The following YPEL1 variants were observed in gnomAD, a reference collection of about 807,000 sequenced individuals.
YPEL1 encodes the protein yippee like 1, also known as protein yippee-like 1.
YPEL1 carries 7 observed loss-of-function variants against 17.3 expected under a neutral mutation model. The observed-to-expected ratio is 0.40, with a 90% confidence interval of 0.23 to 0.76. The LOEUF is 0.76. Ranked by LOEUF, YPEL1 falls within the 30% of genes least tolerant of loss-of-function variation. YPEL1 has a pLI of 0.35. For synonymous variants in YPEL1, 59 were observed against 59.6 expected (o/e 0.99, Z 0.05); for missense variants, 91 against 155.5 (o/e 0.59, Z 2.21).
At chr22:21,714,561 T>G (rs1207745569) in intron 1 of YPEL1, among the ~76,000 whole-genome samples, 6 of 152,142 alleles carry the variant, frequency 3.9e-5, no homozygotes, top group Non-Finnish European at 8.8e-5. Flanking sequence ...GGGGTGTGGA[T>G]GTGTATCGGC....
At chr22:21,715,348 G>T (rs5754784) in intron 1 of YPEL1, among the ~76,000 whole-genome samples, 3 of 151,826 alleles carry the variant, frequency 2.0e-5, no homozygotes, top group Admixed American at 1.3e-4. Flanking sequence ...ACAAATATTA[G>T]CTGGGCGTGG....
At position 21,700,483 on chromosome 22, in the gene YPEL1, T is replaced by TC. The variant is rs2068054648; in HGVS notation, c.*645_*646insG. 6.6e-6 allele frequency: 1 copy of TC among 151,024 alleles called. No homozygotes were observed. The highest frequency in any genetic ancestry group is 1.5e-5 in the Non-Finnish European group (1 of 67,660). 9.4% of individuals were successfully genotyped at this position (151,024 alleles called of 1,614,324 possible). A position where few individuals can be genotyped will look rare whatever the true frequency, so the allele number is the denominator to read the frequency against. Reference sequence around the variant, plus strand: ...TGCGCCACCATACCCAGCTTTTTTTTTTTTTTTTGAGACGATGTCTCACTT... The same window carrying TC: ...TGCGCCACCATACCCAGCTTTTTTTTCTTTTTTTTGAGACGATGTCTCACTT... On this transcript the variant is annotated 3_prime_UTR_variant, in exon 5 of 5. Coordinates refer to ENST00000339468, the MANE Select transcript of YPEL1 (RefSeq NM_013313.5).
chr22:21,719,082 A>G (rs2068255297), intron 1 of YPEL1, among the ~76,000 whole-genome samples: 2 of 152,134 alleles, frequency 1.3e-5, no homozygotes, highest in South Asian at 4.1e-4. Flanking sequence ...GAACCCTGCC[A>G]TCTCTTCCAT....
rs2068022798 is a variant in YPEL1, at chr22:21,698,458, A to G, written c.*2671T>C. The G allele has an allele frequency of 6.6e-6, 1 of 152,300 alleles. No individual in the cohort carries two copies. The highest frequency in any genetic ancestry group is 1.5e-5 in the Non-Finnish European group (1 of 68,034). The allele number at this position is 152,300 out of a possible 1,614,324, so 9.4% of individuals were successfully genotyped here. On this transcript the variant is annotated 3_prime_UTR_variant, in exon 5 of 5. Transcript: ENST00000339468. ...GAGTTTTAGAAGTTTCTTCCATGTA[A>G]GTGAAGCATCTTGAGTCACTCAGGA...
chr22:21,700,096 G>A lies in YPEL1; in HGVS notation c.*1033C>T, dbSNP rs955801726. ...AAGCTAAAAACCAAAAATGCCCTTAGTGTATAAGTCTGTTGACTGCCTCTG... is the reference window on the plus strand; with the variant it reads ...AAGCTAAAAACCAAAAATGCCCTTAATGTATAAGTCTGTTGACTGCCTCTG... On this transcript the variant is annotated 3_prime_UTR_variant, in exon 5 of 5. Transcript: ENST00000339468. The A allele has an allele frequency of 5.3e-5, 8 of 152,372 alleles. No individual in the cohort carries two copies. The highest frequency in any genetic ancestry group is 1.2e-4 in the Non-Finnish European group (8 of 68,040). The allele number at this position is 152,372 out of a possible 1,614,324, so 9.4% of individuals were successfully genotyped here.
At chr22:21,704,160 A>C (rs1329648967) in intron 2 of YPEL1, 1 of 718,204 alleles carries the variant, frequency 1.4e-6, no homozygotes, top group Non-Finnish European at 2.6e-6. Flanking sequence ...TCAGTTTTTA[A>C]ATGGTGAGCT....
chr22:21,733,649 G>A (rs1305630114), intron 1 of YPEL1, among the ~76,000 whole-genome samples: 2 of 152,102 alleles, frequency 1.3e-5, no homozygotes, highest in Non-Finnish European at 2.9e-5. Context: ...TTGAACCTAG[G>A]AGGTTGAGGC....
chr22:21,709,098 G>A (rs1046207843), intron 2 of YPEL1, among the ~76,000 whole-genome samples: 13 of 152,154 alleles, frequency 8.5e-5, no homozygotes, highest in African/African-American at 3.1e-4. Flanking sequence ...CATGCATGGG[G>A]CCGGACATTG....
At position 21,703,256 on chromosome 22, in the gene YPEL1, T is replaced by C; in HGVS notation, c.270+114A>G. 1.1e-6 allele frequency: 1 copy of C among 895,480 alleles called. No individual in the cohort carries two copies. The highest frequency in any genetic ancestry group is 1.5e-5 in the South Asian group (1 of 67,416). The allele number at this position is 895,480 out of a possible 1,614,324, so 55.5% of individuals were successfully genotyped here. On this transcript the variant is annotated intron_variant, in intron 4 of 4. Transcript: ENST00000339468. The surrounding 1 kb of genome is among the most constrained non-coding windows in gnomAD (Gnocchi z 6.1). ...TCCCACCTCGGCTGAGGAACTGGGG[T>C]TTCTGAAAGTGCTGTGACTGGTACC...
rs1222789346 is a variant in YPEL1 at position 21,703,982 on chromosome 22, C to T, written c.118-100G>A. ...AGTCCAGCCCCGCGGCTGTTAGCTGCGCCGGGACGCGTCACCGGGAGCAGA... is the reference window on the plus strand; with the variant it reads ...AGTCCAGCCCCGCGGCTGTTAGCTGTGCCGGGACGCGTCACCGGGAGCAGA... On this transcript the variant is annotated intron_variant, in intron 2 of 4. Transcript: ENST00000339468. This position sits in a 1 kb window ranked among gnomAD's most constrained non-coding sequence, Gnocchi z 6.1. 2.3e-5 allele frequency: 30 copies of T among 1,324,364 alleles called. 1 individual carries two copies. The East Asian group carries it at 4.5e-4, about 20-fold the overall frequency. The allele number at this position is 1,324,364 out of a possible 1,614,324, so 82.0% of individuals were successfully genotyped here. A position where few individuals can be genotyped will look rare whatever the true frequency, so the allele number is the denominator to read the frequency against.
intron 1 of YPEL1, among the ~76,000 whole-genome samples, chr22:21,717,103 C>T (rs1201179057): frequency 4.0e-5 from 6 of 150,194 alleles, no homozygotes; most frequent in South Asian, 2.1e-4. Flanking sequence ...CGCTGGCTCA[C>T]GCCTGTAATC....
At chr22:21,704,909 CAA>C (rs560467667) in intron 2 of YPEL1, among the ~76,000 whole-genome samples, 265 of 152,262 alleles carry the variant, frequency 1.7e-3, no homozygotes, top group African/African-American at 5.2e-3. Context: ...GTGCCAGCCT[CAA>C]GTCTCAATCG....
chr22:21,725,991 C>A (rs1163364766), intron 1 of YPEL1, among the ~76,000 whole-genome samples: 1 of 151,984 alleles, frequency 6.6e-6, no homozygotes, highest in Non-Finnish European at 1.5e-5. Context: ...AGACCGAGAC[C>A]GTGTCCAAAA....
At chr22:21,710,584 C>T (rs756760242) in intron 2 of YPEL1, 44 bp downstream of exon 2, 2 of 1,448,470 alleles carry the variant, frequency 1.4e-6, no homozygotes, top group Non-Finnish European at 1.9e-6. Context: ...ACCACAATGA[C>T]AGATAATCAT....
chr22:21,726,489 GCT>G lies in YPEL1; in HGVS notation c.-165+9124_-165+9125del, dbSNP rs2068336850. On this transcript the variant is annotated intron_variant, in intron 1 of 4. Transcript: ENST00000339468. ...TCAATCCAGAGCACAGGTGCTCTCC[GCT>G]CTCGGTCCCACCTGGCCTGAGAGGG... is the stretch of plus-strand genomic sequence containing the variant. Among the ~76,000 whole-genome samples the G allele has an allele frequency of 2.6e-5, 4 of 152,146 alleles. No homozygotes were observed. In the South Asian group the frequency reaches 8.3e-4, roughly 31 times the overall value.
intron 1 of YPEL1, among the ~76,000 whole-genome samples, chr22:21,735,045 C>T (rs1049566146): frequency 2.6e-5 from 4 of 152,078 alleles, no homozygotes; most frequent in Non-Finnish European, 4.4e-5. Flanking sequence ...ATTTGGACAT[C>T]AAAGATGTCA....
chr22:21,719,488 T>A (rs1440665701), intron 1 of YPEL1, among the ~76,000 whole-genome samples: 3 of 152,184 alleles, frequency 2.0e-5, no homozygotes, highest in Non-Finnish European at 2.9e-5. Flanking sequence ...GGAAACTTAT[T>A]CACAAACTGG....
intron 1 of YPEL1, among the ~76,000 whole-genome samples, chr22:21,712,805 A>T (rs1049781787): frequency 9.9e-5 from 15 of 151,582 alleles, no homozygotes; most frequent in Non-Finnish European, 2.1e-4. Context: ...AGAATATGTT[A>T]AAAAAAACTC....
At chr22:21,718,357 T>C (rs1384514888) in intron 1 of YPEL1, among the ~76,000 whole-genome samples, 1 of 151,416 alleles carries the variant, frequency 6.6e-6, no homozygotes, top group Non-Finnish European at 1.5e-5. Context: ...CCCAGCTACT[T>C]GGGAGGCTGA....
Sources: gnomAD v4.1 joint callset for allele counts (sites outside exome capture counted in the v4.1 genomes callset) on GRCh38, gnomAD v4.1.1 for gene constraint, Gnocchi (gnomAD v3.1) non-coding constraint, MANE v1.5 for transcripts, NCBI Gene and HGNC (gene_info 2026-07-23, HGNC 2026-07-21) for gene names.